Variants in THRB observed in about 807,000 individuals in gnomAD.
THRB encodes the protein nuclear receptor subfamily 1 group A member 2.
In THRB, 12 loss-of-function variants were observed where a neutral mutation model predicts 47.8. The ratio of observed to expected loss-of-function variants is 0.25; its 90% CI spans 0.16 to 0.41. The LOEUF is 0.41. THRB is among the 10% of genes least tolerant of loss of function. The pLI, the probability that THRB is intolerant of heterozygous loss-of-function variation, is 1.00. For synonymous variants in THRB, 218 were observed against 212.2 expected (o/e 1.03, Z -0.24); for missense variants, 348 against 589.2 (o/e 0.59, Z 4.24).
chr3:24,212,356 C>T (rs780359541), intron 4 of THRB, among the ~76,000 whole-genome samples: 1 of 152,020 alleles, frequency 6.6e-6, no homozygotes, highest in Non-Finnish European at 1.5e-5. Flanking sequence ...CGAGATCGCT[C>T]CCTTGCACTC....
intron 4 of THRB, among the ~76,000 whole-genome samples, chr3:24,214,634 T>C (rs1480487137): frequency 6.6e-6 from 1 of 152,198 alleles, no homozygotes; most frequent in Non-Finnish European, 1.5e-5. Context: ...CCTCCTTCTC[T>C]TGGGGACCTT....
At chr3:24,455,952 T>G (rs1009944179) in intron 1 of THRB, among the ~76,000 whole-genome samples, 7 of 152,208 alleles carry the variant, frequency 4.6e-5, no homozygotes, top group African/African-American at 1.7e-4. Context: ...GCTGCTTCAC[T>G]GAATTTCTCT....
intron 4 of THRB, among the ~76,000 whole-genome samples, chr3:24,209,523 G>T (rs1185004863): frequency 6.6e-6 from 1 of 152,188 alleles, no homozygotes; most frequent in African/African-American, 2.4e-5. Context: ...CATGTCCTTT[G>T]TAGGGACATG....
intron 2 of THRB, among the ~76,000 whole-genome samples, chr3:24,333,750 G>A (rs1200656484): frequency 6.6e-6 from 1 of 152,184 alleles, no homozygotes; most frequent in Non-Finnish European, 1.5e-5. Context: ...GTGTTAATGT[G>A]GATCTGTGTT....
At chr3:24,323,906 G>C (rs1576838728) in intron 2 of THRB, among the ~76,000 whole-genome samples, 1 of 152,222 alleles carries the variant, frequency 6.6e-6, no homozygotes. Flanking sequence ...TGTTTGAAAT[G>C]ATTATGTGTA....
intron 1 of THRB, among the ~76,000 whole-genome samples, chr3:24,481,239 T>TG (rs1553776482): frequency 1.4e-5 from 2 of 145,748 alleles, no homozygotes; most frequent in African/African-American, 2.6e-5. Context: ...GTTTTTTTTT[T>TG]TTTTTTTTTT....
At chr3:24,425,516 T>A (rs575385257) in intron 1 of THRB, among the ~76,000 whole-genome samples, 11 of 152,000 alleles carry the variant, frequency 7.2e-5, no homozygotes, top group African/African-American at 2.2e-4. Context: ...GTAAGAAAAA[T>A]ATCATAAATA....
At chr3:24,277,404 C>G (rs563730552) in intron 3 of THRB, among the ~76,000 whole-genome samples, 2 of 152,246 alleles carry the variant, frequency 1.3e-5, no homozygotes, top group South Asian at 4.1e-4. Flanking sequence ...CAGTGTACAT[C>G]AGAATCACTT....
At chr3:24,408,198 A>G (rs1208116882) in intron 1 of THRB, among the ~76,000 whole-genome samples, 1 of 151,868 alleles carries the variant, frequency 6.6e-6, no homozygotes, top group Non-Finnish European at 1.5e-5. Flanking sequence ...TCAACCATTA[A>G]AGGTTTGTCA....
At chr3:24,448,635 C>A (rs1456420820) in intron 1 of THRB, among the ~76,000 whole-genome samples, 1 of 152,104 alleles carries the variant, frequency 6.6e-6, no homozygotes, top group Non-Finnish European at 1.5e-5. Flanking sequence ...ATAAACACAA[C>A]CCATTAAGTA....
intron 9 of THRB, among the ~76,000 whole-genome samples, chr3:24,131,022 C>A (rs188294537): frequency 6.6e-6 from 1 of 151,920 alleles, no homozygotes; most frequent in African/African-American, 2.4e-5. Context: ...GTGCTGGTAA[C>A]GATCTGCTTC....
At chr3:24,232,502 C>T (rs1368634250) in intron 3 of THRB, among the ~76,000 whole-genome samples, 2 of 152,068 alleles carry the variant, frequency 1.3e-5, no homozygotes, top group African/African-American at 4.8e-5. Context: ...ACCTTTAGGC[C>T]CTTCTTTCAA....
chr3:24,381,072 G>A (rs141859396), intron 1 of THRB, among the ~76,000 whole-genome samples: 98 of 146,208 alleles, frequency 6.7e-4, no homozygotes, highest in Middle Eastern at 3.6e-3. Flanking sequence ...CCGAGATCAC[G>A]TCACTGCATT....
At chr3:24,318,480 G>A (rs1041503257) in intron 2 of THRB, 2 of 152,202 alleles carry the variant, frequency 1.3e-5, no homozygotes, top group Admixed American at 1.3e-4. Context: ...CCTTTGCTAT[G>A]AGCCTCCAAG....
At chr3:24,403,292 C>T (rs143974135) in intron 1 of THRB, among the ~76,000 whole-genome samples, 9 of 152,008 alleles carry the variant, frequency 5.9e-5, no homozygotes, top group East Asian at 1.9e-4. Flanking sequence ...TTCAACATAA[C>T]GGTTAATCTC....
chr3:24,284,475 A>T (rs1388280874), intron 3 of THRB, among the ~76,000 whole-genome samples: 1 of 151,766 alleles, frequency 6.6e-6, no homozygotes, highest in African/African-American at 2.4e-5. Flanking sequence ...AACCATAAAA[A>T]CCCTAGAAGA....
chr3:24,233,897 A>G (rs1213521033), intron 3 of THRB, among the ~76,000 whole-genome samples: 1 of 152,192 alleles, frequency 6.6e-6, no homozygotes, highest in Non-Finnish European at 1.5e-5. Context: ...CCTGACGTCT[A>G]AGAAGATGCA....
chr3:24,287,426 A>G (rs141303349), intron 3 of THRB, among the ~76,000 whole-genome samples: 141 of 152,298 alleles, frequency 9.3e-4, no homozygotes, highest in African/African-American at 3.2e-3. Context: ...TTTATGAGCA[A>G]TGTAGGCCAA....
intron 6 of THRB, among the ~76,000 whole-genome samples, chr3:24,152,108 ATTTCT>A (rs1406825636): frequency 8.5e-5 from 13 of 152,312 alleles, no homozygotes; most frequent in Non-Finnish European, 1.3e-4. Context: ...AGTTTTATTA[ATTTCT>A]TTTTATTTTA....
Sources: allele counts gnomAD v4.1 joint callset (sites outside exome capture counted in the v4.1 genomes callset), GRCh38; gene constraint gnomAD v4.1.1; transcripts MANE v1.5; gene names NCBI Gene and HGNC (gene_info 2026-07-23, HGNC 2026-07-21).